The following SAMD4A variants were observed in gnomAD, a reference collection of about 807,000 sequenced individuals.
The protein encoded by SAMD4A is protein Smaug homolog 1.
SAMD4A carries 33 observed loss-of-function variants against 81.3 expected under a neutral mutation model. The observed-to-expected ratio is 0.41, with a 90% CI of 0.31 to 0.54. SAMD4A has a LOEUF of 0.54. Among genes scored for constraint, SAMD4A ranks in the 20% least tolerant of loss-of-function variants. The pLI is 0.37. For missense variants in SAMD4A, 854 were observed against 951.1 expected (o/e 0.90, Z 1.34); for synonymous variants, 389 against 382.1 (o/e 1.02, Z -0.21).
At position 54,687,209 on chromosome 14, in the gene SAMD4A, G is replaced by A. The variant is rs946853436; in HGVS notation, c.197-14853G>A. On this transcript the variant is annotated intron_variant, in intron 2 of 12. Coordinates refer to ENST00000554335, the MANE Select transcript of SAMD4A (RefSeq NM_015589.6). ...GATTATCTTCCATTTTCTCAGCACT[G>A]TTCCTCTTAATGTCATCTTGCAAAA... 19 of 379,428 alleles carry A rather than the reference G, an allele frequency of 5.0e-5. No homozygotes were observed. The Middle Eastern group carries it at 1.1e-3, about 22-fold the overall frequency. 23.5% of individuals were successfully genotyped at this position (379,428 alleles called of 1,614,324 possible).
At chr14:54,644,051 C>T (rs1258802058) in intron 2 of SAMD4A, among the ~76,000 whole-genome samples, 1 of 152,190 alleles carries the variant, frequency 6.6e-6, no homozygotes, top group African/African-American at 2.4e-5. Context: ...CTGGAAGTTT[C>T]AGGGCAAACC....
At chr14:54,607,365 T>C (rs1030923480) in intron 2 of SAMD4A, among the ~76,000 whole-genome samples, 1 of 151,820 alleles carries the variant, frequency 6.6e-6, no homozygotes, top group African/African-American at 2.4e-5. Flanking sequence ...GTAAGAAGTA[T>C]ACAGGATGGA....
intron 11 of SAMD4A, among the ~76,000 whole-genome samples, 167 bp downstream of exon 11, chr14:54,776,707 G>A (rs899761211): frequency 7.9e-5 from 12 of 152,208 alleles, no homozygotes; most frequent in Admixed American, 2.6e-4. Flanking sequence ...GAATAGCGGC[G>A]GCTTGGCTGA....
chr14:54,770,143 A>G lies in SAMD4A; in HGVS notation c.1636A>G (p.Lys546Glu). Residue 546 changes from lysine to glutamate, a missense_variant, in exon 9 of 13, where the codon AAA (lysine) becomes GAA (glutamate). By Grantham distance (56) the Lys-to-Glu change is moderately conservative. Around this residue, in one of 3 missense-constraint regions of SAMD4A, gnomAD observed 428 missense variants for 471.2 expected, o/e 0.91. Coordinates refer to ENST00000554335, the MANE Select transcript of SAMD4A (RefSeq NM_015589.6). ...ACAGAAAAAAAGATTGTTGTCATGG[A>G]AACAGCAGGTGCAGAAGCTCTTTCG... ...ETQKKRLLSW[K>E]QQVQKLFRSF... 1 of 1,614,168 alleles carries G rather than the reference A, an allele frequency of 6.2e-7. No individual in the cohort carries two copies. The highest frequency in any genetic ancestry group is 8.5e-7 in the Non-Finnish European group (1 of 1,179,974).
chr14:54,685,577 T>G (rs2036245673), intron 2 of SAMD4A: 1 of 420,714 alleles, frequency 2.4e-6, no homozygotes, highest in Non-Finnish European at 4.8e-6. Context: ...ACGCTAGTAC[T>G]TGTTCGTAGA....
intron 2 of SAMD4A, among the ~76,000 whole-genome samples, chr14:54,653,048 C>G (rs1322356550): frequency 6.6e-6 from 1 of 151,986 alleles, no homozygotes; most frequent in Non-Finnish European, 1.5e-5. Context: ...CTCGGGTGCT[C>G]CCTGCTGCTT....
intron 2 of SAMD4A, among the ~76,000 whole-genome samples, chr14:54,653,759 C>T (rs998519469): frequency 3.3e-5 from 5 of 152,094 alleles, no homozygotes; most frequent in Non-Finnish European, 5.9e-5. Flanking sequence ...ATTTTGTAGG[C>T]GAGGAAGCAG....
intron 2 of SAMD4A, chr14:54,696,952 T>C (rs944230342): frequency 3.3e-5 from 5 of 152,214 alleles, no homozygotes; most frequent in Admixed American, 6.5e-5. Context: ...TCAGGTGATA[T>C]TGGGGTGAGT....
At chr14:54,585,772 A>C (rs1269433876) in intron 2 of SAMD4A, among the ~76,000 whole-genome samples, 1 of 152,144 alleles carries the variant, frequency 6.6e-6, no homozygotes, top group African/African-American at 2.4e-5. Context: ...GCCATTATTT[A>C]GTTCATTTTC....
At chr14:54,706,036 T>C (rs1157613947) in intron 3 of SAMD4A, among the ~76,000 whole-genome samples, 2 of 152,026 alleles carry the variant, frequency 1.3e-5, no homozygotes, top group African/African-American at 2.4e-5. Flanking sequence ...GGAGAGATCC[T>C]TGTGAACTGG....
chr14:54,653,462 C>G (rs1180244722), intron 2 of SAMD4A, among the ~76,000 whole-genome samples: 1 of 151,770 alleles, frequency 6.6e-6, no homozygotes, highest in African/African-American at 2.4e-5. Context: ...GCCTCAGCCT[C>G]CTGAGTAGCT....
intron 2 of SAMD4A, among the ~76,000 whole-genome samples, chr14:54,649,242 T>C (rs1303176468): frequency 6.6e-6 from 1 of 152,174 alleles, no homozygotes; most frequent in Non-Finnish European, 1.5e-5. Context: ...GACTTATTTT[T>C]AAAGGAAGAT....
intron 2 of SAMD4A, among the ~76,000 whole-genome samples, chr14:54,612,526 G>A (rs189831390): frequency 6.6e-6 from 1 of 152,064 alleles, no homozygotes; most frequent in East Asian, 1.9e-4. Flanking sequence ...TGAATCTAGG[G>A]TCATCTTCAT....
chr14:54,689,369 G>A (rs2036370699), intron 2 of SAMD4A, among the ~76,000 whole-genome samples: 1 of 152,190 alleles, frequency 6.6e-6, no homozygotes, highest in South Asian at 2.1e-4. Flanking sequence ...TGGTCCCTTA[G>A]ATTGGTGGTG....
In SAMD4A at chr14:54,608,714, C is replaced by T. The variant is rs139488790; in HGVS notation, c.196+40602C>T. Among the ~76,000 whole-genome samples, 66 of 152,336 alleles carry T rather than the reference C, an allele frequency of 4.3e-4. 2 individuals carry two copies. The East Asian group carries it at 0.011, about 25-fold the overall frequency. ...TGGAGAAAGGGAGTTACATTCAGAG[C>T]AGCCCAACTGTGTATTTTTAGTGGA... is the stretch of plus-strand genomic sequence containing the variant. On this transcript the variant is annotated intron_variant, in intron 2 of 12. Transcript: ENST00000554335.
chr14:54,586,057 A>C (rs1408258953), intron 2 of SAMD4A, among the ~76,000 whole-genome samples: 1 of 152,106 alleles, frequency 6.6e-6, no homozygotes, highest in African/African-American at 2.4e-5. Context: ...TCCCACCGAC[A>C]GTGTAAAAGT....
chr14:54,603,222 G>A (rs2034108609), intron 2 of SAMD4A, among the ~76,000 whole-genome samples: 1 of 152,190 alleles, frequency 6.6e-6, no homozygotes, highest in Admixed American at 6.5e-5. Context: ...AAGGGTATTG[G>A]TAGTCTCCAG....
chr14:54,784,975 G>C (rs2139986750), intron 12 of SAMD4A, among the ~76,000 whole-genome samples: 1 of 152,350 alleles, frequency 6.6e-6, no homozygotes, highest in South Asian at 2.1e-4. Flanking sequence ...AGGGACATGA[G>C]ACATGGCTTT....
chr14:54,630,908 A>ATGTGTGTGTGTG (rs5808786), intron 2 of SAMD4A, among the ~76,000 whole-genome samples: 6 of 144,378 alleles, frequency 4.2e-5, no homozygotes, highest in Non-Finnish European at 6.0e-5. Context: ...TGTATTTTAT[A>ATGTGTGTGTGTG]TGTGTGTGTG....
Sources: gnomAD v4.1 joint callset for allele counts (sites outside exome capture counted in the v4.1 genomes callset) on GRCh38, gnomAD v4.1.1 for gene constraint, gnomAD v4.1.1 regional missense constraint, MANE v1.5 for transcripts, NCBI Gene and HGNC (gene_info 2026-07-23, HGNC 2026-07-21) for gene names.